CCSER1: variants seen among roughly 807,000 people sequenced by gnomAD.
CCSER1 encodes the protein serine-rich coiled-coil domain-containing protein 1.
Under a neutral mutation model 82.0 loss-of-function variants are expected in CCSER1, and 41 were observed. That is an observed-to-expected ratio of 0.50 (90% CI 0.39 to 0.65). CCSER1 has a LOEUF of 0.65. Ranked by LOEUF, CCSER1 falls within the 30% of genes least tolerant of loss-of-function variation. The pLI is 0.00. For missense variants in CCSER1, 1,119 were observed against 1,064.2 expected, an observed-to-expected ratio of 1.05 and a Z score of -0.72; for synonymous variants, 414 against 383.9, an observed-to-expected ratio of 1.08 and a Z score of -0.92.
In CCSER1 at chr4:91,013,267, A is replaced by AT. The variant is rs1306040329; in HGVS notation, c.2173-72677dup. Reference sequence around the variant, plus strand: ...TGTATCGTGTTAAGATAAGGGTCCAATTTTTTCTTTTGTATGTAAATATTT... The same window carrying AT: ...TGTATCGTGTTAAGATAAGGGTCCAATTTTTTTCTTTTGTATGTAAATATTT... On this transcript the variant is annotated intron_variant, in intron 9 of 10. Coordinates refer to ENST00000509176, the MANE Select transcript of CCSER1 (RefSeq NM_001145065.2). Among the ~76,000 whole-genome samples the AT allele has an allele frequency of 6.0e-5, 8 of 132,634 alleles. 3 individuals carry two copies. The highest frequency in any genetic ancestry group is 1.2e-4 in the Non-Finnish European group (7 of 57,148). 87.0% of individuals were successfully genotyped at this position (132,634 alleles called of 152,430 possible). A position where few individuals can be genotyped will look rare whatever the true frequency, so the allele number is the denominator to read the frequency against.
At chr4:90,256,619 G>A (rs1314181310) in intron 1 of CCSER1, among the ~76,000 whole-genome samples, 1 of 152,042 alleles carries the variant, frequency 6.6e-6, no homozygotes, top group Non-Finnish European at 1.5e-5. Context: ...ATACATTAAG[G>A]TTGAGAAACT....
At chr4:90,838,952 AG>A (rs760211759) in intron 8 of CCSER1, 20 of 1,613,256 alleles carry the variant, frequency 1.2e-5, no homozygotes, top group Admixed American at 3.3e-5. Context: ...TTTGGAAGGC[AG>A]TGGATTTTTC....
chr4:90,454,754 G>A (rs562509631), intron 4 of CCSER1, among the ~76,000 whole-genome samples: 7 of 152,238 alleles, frequency 4.6e-5, no homozygotes, highest in Admixed American at 3.3e-4. Context: ...GTAACATAAT[G>A]TTCTTCCAGG....
At chr4:90,409,351 A>T (rs989588234) in intron 4 of CCSER1, among the ~76,000 whole-genome samples, 1 of 152,218 alleles carries the variant, frequency 6.6e-6, no homozygotes, top group East Asian at 1.9e-4. Context: ...AGTGGAAATG[A>T]AGGAAAAAAT....
intron 10 of CCSER1, among the ~76,000 whole-genome samples, chr4:91,270,421 T>C (rs1741931058): frequency 6.6e-6 from 1 of 152,174 alleles, no homozygotes; most frequent in South Asian, 2.1e-4. Flanking sequence ...AGTAGGAAGG[T>C]ATTAACAACG....
At chr4:90,616,802 C>T (rs541908931) in intron 5 of CCSER1, among the ~76,000 whole-genome samples, 75 of 151,014 alleles carry the variant, frequency 5.0e-4, no homozygotes, top group Non-Finnish European at 8.1e-4. Flanking sequence ...AATAAAAGAG[C>T]TTATAGGAAT....
intron 5 of CCSER1, among the ~76,000 whole-genome samples, chr4:90,508,205 C>T (rs535398014): frequency 1.7e-4 from 26 of 152,006 alleles, no homozygotes; most frequent in Admixed American, 3.9e-4. Flanking sequence ...AAAGCAGTTA[C>T]GTTGGGTATA....
chr4:91,545,341 G>T (rs572261354), intron 10 of CCSER1, among the ~76,000 whole-genome samples: 7 of 151,966 alleles, frequency 4.6e-5, no homozygotes, highest in Non-Finnish European at 7.4e-5. Context: ...TGTCCGACAA[G>T]CCCCAGTGAG....
intron 10 of CCSER1, among the ~76,000 whole-genome samples, chr4:91,508,750 T>C (rs748723282): frequency 7.2e-5 from 11 of 151,924 alleles, no homozygotes; most frequent in Non-Finnish European, 4.4e-5. Context: ...TTACTATTAT[T>C]ATTATTTAAT....
intron 10 of CCSER1, among the ~76,000 whole-genome samples, chr4:91,546,968 TTTTC>T (rs1317771151): frequency 4.4e-5 from 5 of 112,702 alleles, no homozygotes; most frequent in African/African-American, 6.3e-5. Flanking sequence ...TTCTCTTGAG[TTTTC>T]TTTTTTTTTT....
intron 10 of CCSER1, among the ~76,000 whole-genome samples, chr4:91,325,606 G>C (rs904557543): frequency 3.9e-5 from 6 of 152,156 alleles, no homozygotes; most frequent in African/African-American, 1.4e-4. Context: ...AATCTCAGCA[G>C]CAAGATTCTG....
At chr4:90,170,297 C>A (rs1487055666) in intron 1 of CCSER1, among the ~76,000 whole-genome samples, 3 of 151,868 alleles carry the variant, frequency 2.0e-5, no homozygotes, top group Non-Finnish European at 4.4e-5. Flanking sequence ...AGATTCAACA[C>A]CTTCTTTTAT....
At chr4:90,958,151 G>T (rs1733712067) in intron 9 of CCSER1, among the ~76,000 whole-genome samples, 1 of 152,018 alleles carries the variant, frequency 6.6e-6, no homozygotes, top group African/African-American at 2.4e-5. Flanking sequence ...TAAGACCTCT[G>T]AATTTTCTCT....
At chr4:90,745,841 C>T (rs1747352176) in intron 7 of CCSER1, among the ~76,000 whole-genome samples, 1 of 151,422 alleles carries the variant, frequency 6.6e-6, no homozygotes, top group Non-Finnish European at 1.5e-5. Flanking sequence ...AGGCGCCCGC[C>T]ACCACACCCA....
intron 1 of CCSER1, among the ~76,000 whole-genome samples, chr4:90,240,288 G>A (rs1277606294): frequency 1.3e-5 from 2 of 152,140 alleles, no homozygotes; most frequent in African/African-American, 4.8e-5. Flanking sequence ...AGGGGAGGGG[G>A]CTTCAGGTAG....
chr4:90,731,379 G>T (rs1222262648), intron 7 of CCSER1, among the ~76,000 whole-genome samples: 1 of 152,140 alleles, frequency 6.6e-6, no homozygotes, highest in Non-Finnish European at 1.5e-5. Flanking sequence ...TGTTGGTTTT[G>T]CAGGGGATAA....
intron 10 of CCSER1, among the ~76,000 whole-genome samples, chr4:91,445,019 T>A (rs1284619615): frequency 6.6e-6 from 1 of 152,176 alleles, no homozygotes; most frequent in African/African-American, 2.4e-5. Context: ...AAGATACAAA[T>A]GTGTCTACAT....
At chr4:90,305,997 TA>T (rs1231219676) in intron 1 of CCSER1, among the ~76,000 whole-genome samples, 1 of 152,154 alleles carries the variant, frequency 6.6e-6, no homozygotes, top group Non-Finnish European at 1.5e-5. Context: ...CTATTCAGCC[TA>T]AAAAAGAAAT....
intron 10 of CCSER1, among the ~76,000 whole-genome samples, chr4:91,524,269 ATC>A (rs914477169): frequency 3.3e-5 from 5 of 152,200 alleles, no homozygotes; most frequent in African/African-American, 1.2e-4. Context: ...AGGTTATAAC[ATC>A]TCTTTTTTTG....
Sources: allele counts gnomAD v4.1 joint callset (sites outside exome capture counted in the v4.1 genomes callset), GRCh38; gene constraint gnomAD v4.1.1; transcripts MANE v1.5; gene names NCBI Gene and HGNC (gene_info 2026-07-23, HGNC 2026-07-21).